The following DLG2 variants were observed in gnomAD, a reference collection of about 807,000 sequenced individuals.
The protein encoded by DLG2 is discs large MAGUK scaffold protein 2, also known as disks large homolog 2.
A neutral mutation model predicts 132.5 loss-of-function variants in DLG2; 45 were observed. That is an observed-to-expected ratio of 0.34 (90% CI 0.27 to 0.44). DLG2 has a LOEUF of 0.44. DLG2 is among the 20% of genes least tolerant of loss of function. DLG2 has a pLI of 1.00. For missense variants in DLG2, 1,045 were observed against 1,196.9 expected (o/e 0.87, Z 1.87); for synonymous variants, 424 against 419.6 (o/e 1.01, Z -0.13).
At chr11:83,926,063 C>T (rs1049204316) in intron 15 of DLG2, among the ~76,000 whole-genome samples, 1 of 151,886 alleles carries the variant, frequency 6.6e-6, no homozygotes, top group African/African-American at 2.4e-5. Flanking sequence ...AGGCACTGTG[C>T]CAAGTAATTT....
intron 4 of DLG2, among the ~76,000 whole-genome samples, chr11:85,265,170 C>T (rs2077141890): frequency 2.6e-5 from 4 of 152,178 alleles, no homozygotes; most frequent in African/African-American, 9.7e-5. Flanking sequence ...TGGACAAATG[C>T]ACTATCTATA....
intron 1 of DLG2, 92 bp from the exon 2 acceptor site, chr11:85,626,845 T>G (rs999158522): frequency 2.0e-5 from 3 of 152,228 alleles, no homozygotes; most frequent in African/African-American, 7.2e-5. Context: ...ATTTTTTAGT[T>G]TTTCAAGTTT....
At chr11:84,745,729 T>A (rs1360809822) in intron 6 of DLG2, among the ~76,000 whole-genome samples, 1 of 152,182 alleles carries the variant, frequency 6.6e-6, no homozygotes, top group Non-Finnish European at 1.5e-5. Flanking sequence ...AATAAGTTAT[T>A]ACAGATCAGC....
At chr11:85,113,253 CAGTGTT>C (rs2073059368) in intron 5 of DLG2, among the ~76,000 whole-genome samples, 1 of 152,006 alleles carries the variant, frequency 6.6e-6, no homozygotes, top group African/African-American at 2.4e-5. Context: ...AACTGTGAAA[CAGTGTT>C]AGTATTTTGC....
At chr11:83,999,876 C>T (rs1330413575) in intron 11 of DLG2, among the ~76,000 whole-genome samples, 1 of 151,722 alleles carries the variant, frequency 6.6e-6, no homozygotes, top group Non-Finnish European at 1.5e-5. Context: ...AAGTAATCCC[C>T]TACAAAAGCA....
chr11:84,728,562 A>G (rs1033338290), intron 6 of DLG2, among the ~76,000 whole-genome samples: 3 of 151,662 alleles, frequency 2.0e-5, no homozygotes, highest in African/African-American at 4.8e-5. Flanking sequence ...TTTTTTTGTT[A>G]TGTCTCTGCC....
intron 19 of DLG2, among the ~76,000 whole-genome samples, chr11:83,542,553 C>T (rs1282537514): frequency 6.6e-6 from 1 of 152,198 alleles, no homozygotes; most frequent in African/African-American, 2.4e-5. Flanking sequence ...GCCTAGCTTA[C>T]CTCATCATGG....
intron 3 of DLG2, among the ~76,000 whole-genome samples, chr11:85,354,057 T>C (rs1392183259): frequency 1.3e-5 from 2 of 151,928 alleles, no homozygotes; most frequent in African/African-American, 4.8e-5. Flanking sequence ...AGTATTTCAC[T>C]TGGAGGAATC....
chr11:83,704,408 C>T (rs560785337), intron 18 of DLG2, among the ~76,000 whole-genome samples: 250 of 152,098 alleles, frequency 1.6e-3, no homozygotes, highest in Non-Finnish European at 3.0e-3. Flanking sequence ...GAAATTATTG[C>T]TTAGTTCTTC....
intron 9 of DLG2, among the ~76,000 whole-genome samples, chr11:84,119,446 T>C (rs2154199846): frequency 6.6e-6 from 1 of 151,146 alleles, no homozygotes; most frequent in East Asian, 1.9e-4. Context: ...GAATTTCATA[T>C]ATGTTATATA....
intron 11 of DLG2, among the ~76,000 whole-genome samples, chr11:84,015,326 C>A (rs185938875): frequency 2.2e-4 from 34 of 152,226 alleles, no homozygotes; most frequent in African/African-American, 7.7e-4. Context: ...TTGCCAGGCA[C>A]TTTTCTAAGA....
intron 11 of DLG2, among the ~76,000 whole-genome samples, chr11:84,030,161 T>C (rs1401461880): frequency 1.3e-5 from 2 of 152,160 alleles, no homozygotes; most frequent in Non-Finnish European, 2.9e-5. Context: ...TTGTATGACC[T>C]TCTAGTAACT....
At chr11:83,548,274 T>TCA (rs138672720) in intron 19 of DLG2, among the ~76,000 whole-genome samples, 3,205 of 152,146 alleles carry the variant, frequency 0.021, 112 homozygotes, top group African/African-American at 0.072. Flanking sequence ...GTGATTAAGG[T>TCA]CAAGGGTCTT....
intron 22 of DLG2, among the ~76,000 whole-genome samples, chr11:83,482,985 C>A (rs897622109): frequency 6.6e-6 from 1 of 152,066 alleles, no homozygotes; most frequent in African/African-American, 2.4e-5. Flanking sequence ...GGCATCAGGA[C>A]CATGTTGATA....
intron 4 of DLG2, among the ~76,000 whole-genome samples, chr11:85,195,019 T>G (rs1334137057): frequency 6.6e-6 from 1 of 152,072 alleles, no homozygotes; most frequent in Non-Finnish European, 1.5e-5. Context: ...AAGCTAAATC[T>G]AAAAAGAGAA....
At chr11:85,171,815 TTCCCCACAATACAGCATAGCTGCCA>T (rs912386276) in intron 4 of DLG2, among the ~76,000 whole-genome samples, 5 of 151,886 alleles carry the variant, frequency 3.3e-5, no homozygotes, top group Non-Finnish European at 5.9e-5. Context: ...CTGGAAGGAG[TTCCCCACAATACAGCATAGCTGCCA>T]TGCCAGATCA....
At chr11:83,970,937 T>A (rs2154166239) in intron 12 of DLG2, among the ~76,000 whole-genome samples, 1 of 152,266 alleles carries the variant, frequency 6.6e-6, no homozygotes, top group African/African-American at 2.4e-5. Flanking sequence ...AAAGTGCTCT[T>A]TTGTGCTGAA....
In DLG2 at chr11:85,539,928, C is replaced by T. The variant is rs1598379835; in HGVS notation, c.40+58729G>A. Among the ~76,000 whole-genome samples, 5 of 152,152 alleles carry T rather than the reference C, an allele frequency of 3.3e-5. No individual in the cohort carries two copies. The South Asian group carries it at 1.0e-3, about 32-fold the overall frequency. On this transcript the variant is annotated intron_variant, in intron 3 of 27. Coordinates refer to ENST00000376104, the MANE Select transcript of DLG2 (RefSeq NM_001142699.3). Reference sequence around the variant, plus strand: ...ACACCTTAAGCAATGAATACTCAACCCTAGAGGTCACAACTTCCTAGTTTG... The same window carrying T: ...ACACCTTAAGCAATGAATACTCAACTCTAGAGGTCACAACTTCCTAGTTTG...
intron 6 of DLG2, among the ~76,000 whole-genome samples, chr11:84,670,034 G>A (rs190006080): frequency 4.6e-5 from 7 of 152,274 alleles, no homozygotes; most frequent in East Asian, 1.9e-4. Context: ...AGAATAAGGC[G>A]AATGGGCATG....
Sources: gnomAD v4.1 joint callset for allele counts (sites outside exome capture counted in the v4.1 genomes callset) on GRCh38, gnomAD v4.1.1 for gene constraint, MANE v1.5 for transcripts, NCBI Gene and HGNC (gene_info 2026-07-23, HGNC 2026-07-21) for gene names.